The following TASP1 variants were observed in gnomAD, a reference collection of about 807,000 sequenced individuals.
The protein encoded by TASP1 is threonine aspartase 1.
TASP1 carries 16 observed loss-of-function variants against 56.6 expected under a neutral mutation model. The ratio of observed to expected loss-of-function variants is 0.28; its 90% CI spans 0.19 to 0.43. TASP1 has a LOEUF of 0.43. TASP1 is among the 20% of genes least tolerant of loss of function. The pLI, the probability that TASP1 is intolerant of heterozygous loss-of-function variation, is 1.00. For synonymous variants in TASP1, 179 were observed against 184.2 expected, an observed-to-expected ratio of 0.97 and a Z score of 0.23; for missense variants, 393 against 511.6, an observed-to-expected ratio of 0.77 and a Z score of 2.24.
chr20:13,616,118 A>G (rs1342873928), intron 4 of TASP1, among the ~76,000 whole-genome samples: 1 of 152,096 alleles, frequency 6.6e-6, no homozygotes, highest in Non-Finnish European at 1.5e-5. Flanking sequence ...TCACAACACT[A>G]TAAATCCTAG....
intron 4 of TASP1, among the ~76,000 whole-genome samples, chr20:13,589,030 C>T (rs941440819): frequency 1.3e-5 from 2 of 148,310 alleles, no homozygotes; most frequent in African/African-American, 2.5e-5. Flanking sequence ...CACAACAATT[C>T]AATAAAGAAG....
At chr20:13,337,573 T>C in the TASP1 span, among the ~76,000 whole-genome samples, 1 of 152,208 alleles carries the variant, frequency 6.6e-6, no homozygotes, top group Non-Finnish European at 1.5e-5. Flanking sequence ...ATTTATGCTG[T>C]CGTGGCTTTC....
chr20:13,337,213 C>A, the TASP1 span, among the ~76,000 whole-genome samples: 1 of 152,140 alleles, frequency 6.6e-6, no homozygotes, highest in Non-Finnish European at 1.5e-5. Context: ...TCTGGCTCAC[C>A]TGGAAGGACA....
chr20:13,150,225 G>T, the TASP1 span, among the ~76,000 whole-genome samples: 2 of 152,046 alleles, frequency 1.3e-5, no homozygotes, highest in Non-Finnish European at 2.9e-5. Context: ...TTTTTCTTAA[G>T]TAAGGCAAAT....
intron 11 of TASP1, among the ~76,000 whole-genome samples, chr20:13,446,362 T>C (rs775434459): frequency 4.6e-5 from 7 of 152,252 alleles, no homozygotes; most frequent in Non-Finnish European, 8.8e-5. Context: ...CCGCTGATTG[T>C]TAACAGTTGG....
chr20:13,326,360 TGTATATGTATATATTCGATTTAA>T, the TASP1 span, among the ~76,000 whole-genome samples: 1 of 152,172 alleles, frequency 6.6e-6, no homozygotes, highest in Non-Finnish European at 1.5e-5. Flanking sequence ...TCATGTAGTA[TGTATATGTATATATTCGATTTAA>T]GTATATGTAT....
chr20:13,301,334 A>T, the TASP1 span, among the ~76,000 whole-genome samples: 1 of 152,084 alleles, frequency 6.6e-6, no homozygotes, highest in Non-Finnish European at 1.5e-5. Context: ...GATTACAGGC[A>T]TGTGCCACCA....
intron 1 of TASP1, among the ~76,000 whole-genome samples, chr20:13,634,408 C>T (rs376659342): frequency 2.6e-5 from 4 of 152,130 alleles, no homozygotes; most frequent in African/African-American, 9.7e-5. Context: ...GGGACTGCTA[C>T]TGGGAGCACT....
chr20:13,489,188 T>C (rs1180887064), intron 10 of TASP1, among the ~76,000 whole-genome samples: 1 of 152,162 alleles, frequency 6.6e-6, no homozygotes, highest in African/African-American at 2.4e-5. Context: ...ATGCACTACC[T>C]GAATCACATA....
At chr20:13,628,300 C>A (rs532324117) in intron 2 of TASP1, among the ~76,000 whole-genome samples, 8 of 152,292 alleles carry the variant, frequency 5.3e-5, no homozygotes, top group African/African-American at 1.9e-4. Flanking sequence ...TCAGACCTTT[C>A]TTTTACACTT....
downstream of TASP1, among the ~76,000 whole-genome samples, chr20:13,386,596 T>A (rs1294037449): frequency 3.9e-5 from 6 of 152,130 alleles, no homozygotes; most frequent in African/African-American, 9.7e-5. Context: ...TCTTCCCTCC[T>A]TCCATCCAGT....
the TASP1 span, among the ~76,000 whole-genome samples, chr20:13,198,844 TTCTTTC>T: frequency 2.8e-5 from 4 of 140,956 alleles, no homozygotes; most frequent in Non-Finnish European, 6.4e-5. Flanking sequence ...CTTTCTTTCT[TTCTTTC>T]TTTCTTTCCT....
intron 4 of TASP1, among the ~76,000 whole-genome samples, chr20:13,598,120 T>C (rs1349452859): frequency 1.3e-5 from 2 of 152,168 alleles, no homozygotes; most frequent in African/African-American, 4.8e-5. Flanking sequence ...AGGTAATTTA[T>C]AGATTCAATG....
the TASP1 span, among the ~76,000 whole-genome samples, chr20:13,116,814 C>A: frequency 6.6e-6 from 1 of 152,144 alleles, no homozygotes; most frequent in South Asian, 2.1e-4. Context: ...CTCAGCCCAC[C>A]CAATACCGAC....
At chr20:13,111,676 T>C in the TASP1 span, among the ~76,000 whole-genome samples, 2 of 152,150 alleles carry the variant, frequency 1.3e-5, no homozygotes, top group Non-Finnish European at 2.9e-5. Flanking sequence ...GGGGAGCAAA[T>C]AGCCCTTATC....
intron 10 of TASP1, among the ~76,000 whole-genome samples, chr20:13,520,360 T>C (rs2044698717): frequency 6.6e-6 from 1 of 152,204 alleles, no homozygotes; most frequent in Admixed American, 6.5e-5. Context: ...TCTCGCTACC[T>C]GACTTCAAAC....
At chr20:13,611,800 T>C (rs1489328295) in intron 4 of TASP1, among the ~76,000 whole-genome samples, 1 of 152,236 alleles carries the variant, frequency 6.6e-6, no homozygotes, top group African/African-American at 2.4e-5. Flanking sequence ...ATGCTCCATG[T>C]GGCCAGATCT....
the TASP1 span, among the ~76,000 whole-genome samples, chr20:13,134,966 G>GT: frequency 6.6e-6 from 1 of 152,300 alleles, no homozygotes. Flanking sequence ...AGGAAAGGGA[G>GT]TTTTGCTTAT....
intron 7 of TASP1, among the ~76,000 whole-genome samples, 165 bp downstream of exon 7, chr20:13,569,342 G>T (rs867413900): frequency 6.6e-6 from 1 of 152,040 alleles, no homozygotes; most frequent in Non-Finnish European, 1.5e-5. Flanking sequence ...GAATACAAAG[G>T]TGGTTTAAAA....
Sources: allele counts gnomAD v4.1 joint callset (sites outside exome capture counted in the v4.1 genomes callset), GRCh38; gene constraint gnomAD v4.1.1; transcripts MANE v1.5; gene names NCBI Gene and HGNC (gene_info 2026-07-23, HGNC 2026-07-21).